FOXP2: variants seen among roughly 807,000 people sequenced by gnomAD.
The protein encoded by FOXP2 is forkhead box P2, also known as forkhead box protein P2.
A neutral mutation model predicts 115.8 loss-of-function variants in FOXP2; 12 were observed. The observed-to-expected ratio is 0.10, with a 90% CI of 0.07 to 0.17. The LOEUF (loss-of-function observed/expected upper bound fraction) is 0.17, where lower values mean the gene tolerates loss of function less well. Ranked by LOEUF, FOXP2 falls within the 10% of genes least tolerant of loss-of-function variation. The pLI, the probability that FOXP2 is intolerant of heterozygous loss-of-function variation, is 1.00. For synonymous variants in FOXP2, 328 were observed against 297.7 expected, an observed-to-expected ratio of 1.10 and a Z score of -1.05; for missense variants, 629 against 843.5, an observed-to-expected ratio of 0.75 and a Z score of 3.15.
At chr7:114,220,023 T>C (rs905989015) in intron 1 of FOXP2, among the ~76,000 whole-genome samples, 18 of 148,876 alleles carry the variant, frequency 1.2e-4, no homozygotes, top group Non-Finnish European at 1.9e-4. Flanking sequence ...CGCACCACCA[T>C]GCTCAGCTAA....
intron 2 of FOXP2, among the ~76,000 whole-genome samples, chr7:114,301,426 GT>G (rs1374369156): frequency 6.6e-6 from 1 of 152,030 alleles, no homozygotes; most frequent in Non-Finnish European, 1.5e-5. Flanking sequence ...CATAACTCCT[GT>G]CCACACGTTA....
upstream of FOXP2, among the ~76,000 whole-genome samples, chr7:114,409,813 T>C (rs1793122612): frequency 6.6e-6 from 1 of 152,142 alleles, no homozygotes; most frequent in African/African-American, 2.4e-5. Flanking sequence ...AATCTTATAA[T>C]TCTCCAGATT....
Position 114,255,254 on chromosome 7 carries a change from A to C in FOXP2, c.-101-32765A>C, listed in dbSNP as rs192134051. 2.8e-4 allele frequency among the ~76,000 whole-genome samples: 42 copies of C among 152,290 alleles called. 1 individual carries two copies. The East Asian group carries it at 8.1e-3, about 29-fold the overall frequency. On this transcript the variant is annotated intron_variant, in intron 1 of 17. Transcript: ENST00000634411. ...TCGGGGGTCAGGGACCCACTTGAGG[A>C]GGCAGTCTGTCCATTCTCAGATCTT... is the stretch of plus-strand genomic sequence containing the variant.
intron 1 of FOXP2, among the ~76,000 whole-genome samples, chr7:114,259,816 A>T (rs1261736833): frequency 6.6e-6 from 1 of 152,198 alleles, no homozygotes; most frequent in African/African-American, 2.4e-5. Flanking sequence ...GGCATAATAC[A>T]TTTTAGAAAG....
chr7:114,177,035 CT>C (rs1562993345), intron 1 of FOXP2, among the ~76,000 whole-genome samples: 1 of 152,120 alleles, frequency 6.6e-6, no homozygotes, highest in Non-Finnish European at 1.5e-5. Context: ...TTAAGTGTCT[CT>C]CCTGAGTGCT....
At chr7:114,418,286 C>G (rs191732829) in intron 1 of FOXP2, among the ~76,000 whole-genome samples, 41 of 152,026 alleles carry the variant, frequency 2.7e-4, no homozygotes, top group Middle Eastern at 6.8e-3. Flanking sequence ...TCATTAAGAT[C>G]TATTGATGCA....
At chr7:114,587,872 G>C (rs1398057554) in intron 3 of FOXP2, among the ~76,000 whole-genome samples, 4 of 45,428 alleles carry the variant, frequency 8.8e-5, no homozygotes, top group Non-Finnish European at 1.6e-4. Context: ...GTGAATAAGA[G>C]ATAATTAAAT....
At chr7:114,565,453 A>G (rs1400891923) in intron 3 of FOXP2, among the ~76,000 whole-genome samples, 1 of 152,148 alleles carries the variant, frequency 6.6e-6, no homozygotes, top group Admixed American at 6.6e-5. Context: ...CTAAACCACA[A>G]TAATCAAGAT....
intron 1 of FOXP2, among the ~76,000 whole-genome samples, chr7:114,266,053 T>C (rs1795886663): frequency 6.6e-6 from 1 of 151,626 alleles, no homozygotes; most frequent in Non-Finnish European, 1.5e-5. Context: ...TCCATTGTCT[T>C]GAATATTAGC....
chr7:114,333,092 C>G (rs1797751602), intron 2 of FOXP2, among the ~76,000 whole-genome samples: 1 of 151,872 alleles, frequency 6.6e-6, no homozygotes. Context: ...ATAGATAATT[C>G]TCGGAGGAAT....
At chr7:114,274,178 T>C (rs1796128140) in intron 1 of FOXP2, among the ~76,000 whole-genome samples, 1 of 152,094 alleles carries the variant, frequency 6.6e-6, no homozygotes, top group Admixed American at 6.6e-5. Context: ...ACTTCATGGG[T>C]AGTGTGAGTA....
At chr7:114,353,760 T>G (rs1791551033) in intron 2 of FOXP2, among the ~76,000 whole-genome samples, 1 of 152,098 alleles carries the variant, frequency 6.6e-6, no homozygotes, top group South Asian at 2.1e-4. Context: ...TGTAGGCCAC[T>G]TTGTATGTTC....
chr7:114,515,787 C>T (rs1798310636), intron 2 of FOXP2, among the ~76,000 whole-genome samples: 1 of 152,070 alleles, frequency 6.6e-6, no homozygotes, highest in Non-Finnish European at 1.5e-5. Context: ...ACATGAAGTC[C>T]TTGCTCATGC....
At chr7:114,238,526 G>T (rs1329979325) in intron 1 of FOXP2, among the ~76,000 whole-genome samples, 1 of 152,198 alleles carries the variant, frequency 6.6e-6, no homozygotes, top group Non-Finnish European at 1.5e-5. Context: ...CAGTCCCAAA[G>T]ATTTGGGAGG....
chr7:114,544,489 A>G (rs777005944), intron 3 of FOXP2, among the ~76,000 whole-genome samples: 1 of 152,232 alleles, frequency 6.6e-6, no homozygotes, highest in Non-Finnish European at 1.5e-5. Context: ...CACAAAATAC[A>G]CAGAAAATTC....
At chr7:114,260,048 T>A (rs1409947136) in intron 1 of FOXP2, among the ~76,000 whole-genome samples, 1 of 152,022 alleles carries the variant, frequency 6.6e-6, no homozygotes, top group African/African-American at 2.4e-5. Context: ...TGTGCCTCCA[T>A]GCTCGGCTAA....
chr7:114,643,652 AT>A (rs1225480306), intron 7 of FOXP2, among the ~76,000 whole-genome samples: 1 of 152,182 alleles, frequency 6.6e-6, no homozygotes, highest in East Asian at 1.9e-4. Context: ...CTTTAGCTCC[AT>A]TTATTTAGGC....
intron 2 of FOXP2, among the ~76,000 whole-genome samples, chr7:114,457,894 C>CA (rs397740229): frequency 0.51 from 59,357 of 115,346 alleles, 12,648 homozygotes; most frequent in South Asian, 0.54. Context: ...GACTCCGTCT[C>CA]AAAAAAAAAA....
intron 3 of FOXP2, among the ~76,000 whole-genome samples, chr7:114,615,570 G>A (rs1803895551): frequency 6.6e-6 from 1 of 152,100 alleles, no homozygotes; most frequent in African/African-American, 2.4e-5. Flanking sequence ...TTCTCTAGCT[G>A]GGCTGTCTCA....
Sources: gnomAD v4.1 joint callset for allele counts (sites outside exome capture counted in the v4.1 genomes callset) on GRCh38, gnomAD v4.1.1 for gene constraint, MANE v1.5 for transcripts, NCBI Gene and HGNC (gene_info 2026-07-23, HGNC 2026-07-21) for gene names.